HS6ST2: variants seen among roughly 807,000 people sequenced by gnomAD.
The protein encoded by HS6ST2 is heparan sulfate 6-O-sulfotransferase 2, also known as heparan-sulfate 6-O-sulfotransferase 2.
HS6ST2 carries 17 observed loss-of-function variants against 33.0 expected under a neutral mutation model. That is an observed-to-expected ratio of 0.52 (90% CI 0.35 to 0.77). HS6ST2 has a LOEUF of 0.77. Ranked by LOEUF, HS6ST2 falls within the 30% of genes least tolerant of loss-of-function variation. The pLI is 0.01. For missense variants in HS6ST2, 519 were observed against 551.7 expected (o/e 0.94, Z 0.59); for synonymous variants, 248 against 237.1 (o/e 1.05, Z -0.42).
intron 2 of HS6ST2, among the ~76,000 whole-genome samples, chrX:132,951,027 T>C (rs2067009718): frequency 9.0e-6 from 1 of 110,530 alleles, no homozygotes; most frequent in Non-Finnish European, 1.9e-5. Context: ...TGTCACCTCC[T>C]TATAAGTCCT....
At chrX:132,956,371 C>T (rs1331820026) in intron 2 of HS6ST2, among the ~76,000 whole-genome samples, 1 of 110,556 alleles carries the variant, frequency 9.0e-6, no homozygotes, top group East Asian at 2.9e-4. Context: ...GGGAAGAATG[C>T]GGGCGCCGAA....
chrX:132,772,903 AAATAT>A (rs780961296), intron 2 of HS6ST2, among the ~76,000 whole-genome samples: 8 of 84,999 alleles, frequency 9.4e-5, no homozygotes, highest in East Asian at 7.0e-4. Flanking sequence ...ATGTAATATA[AAATAT>A]AATATATTTT....
chrX:132,934,110 A>G (rs910209896), intron 2 of HS6ST2, among the ~76,000 whole-genome samples: 1 of 111,593 alleles, frequency 9.0e-6, no homozygotes. Flanking sequence ...GTATAAATGC[A>G]TATTTACTCC....
At chrX:132,808,259 C>T (rs2065304464) in intron 2 of HS6ST2, among the ~76,000 whole-genome samples, 1 of 112,237 alleles carries the variant, frequency 8.9e-6, no homozygotes, top group Non-Finnish European at 1.9e-5. Flanking sequence ...ATGTCACACT[C>T]CACACTTAAA....
intron 2 of HS6ST2, among the ~76,000 whole-genome samples, chrX:132,748,890 A>C (rs1287009567): frequency 2.7e-5 from 3 of 111,757 alleles, no homozygotes; most frequent in Admixed American, 9.4e-5. Context: ...AAGCCTCCCA[A>C]AGTGCTGGGG....
At chrX:132,864,046 T>C (rs2065941988) in intron 2 of HS6ST2, among the ~76,000 whole-genome samples, 1 of 110,740 alleles carries the variant, frequency 9.0e-6, no homozygotes, top group South Asian at 3.9e-4. Context: ...CAGAAAAGAA[T>C]AGCATCAACA....
chrX:132,642,320 A>G (rs1346469595), intron 4 of HS6ST2, among the ~76,000 whole-genome samples: 2 of 111,440 alleles, frequency 1.8e-5, no homozygotes, highest in African/African-American at 6.5e-5. Context: ...TTTCCAGAGC[A>G]GCACAGGGGA....
chrX:132,716,914 A>G (rs1355596731), intron 2 of HS6ST2, among the ~76,000 whole-genome samples: 1 of 112,360 alleles, frequency 8.9e-6, no homozygotes, highest in Non-Finnish European at 1.9e-5. Context: ...ACAGCTTCGC[A>G]AGGGGCTGCT....
intron 2 of HS6ST2, among the ~76,000 whole-genome samples, chrX:132,732,973 G>T (rs1201297164): frequency 8.9e-6 from 1 of 111,979 alleles, no homozygotes; most frequent in East Asian, 2.8e-4. Flanking sequence ...GCTATCCCTA[G>T]CAGTGATTTT....
chrX:132,835,489 T>C (rs1050803125), intron 2 of HS6ST2, among the ~76,000 whole-genome samples: 1 of 111,947 alleles, frequency 8.9e-6, no homozygotes, highest in Non-Finnish European at 1.9e-5. Context: ...ACTTCTCCTC[T>C]CAGTATCTTC....
At chrX:132,785,447 A>G (rs1163638667) in intron 2 of HS6ST2, among the ~76,000 whole-genome samples, 1 of 111,769 alleles carries the variant, frequency 8.9e-6, no homozygotes, top group Admixed American at 9.5e-5. Context: ...AATCCTGACA[A>G]CAGGTTTACT....
chrX:132,661,625 T>A (rs754910842), intron 4 of HS6ST2, among the ~76,000 whole-genome samples: 4 of 112,430 alleles, frequency 3.6e-5, no homozygotes, highest in Non-Finnish European at 7.5e-5. Context: ...AAATTTGATA[T>A]ACAGATTCAA....
chrX:132,721,745 C>A (rs991390677), intron 2 of HS6ST2, among the ~76,000 whole-genome samples: 2 of 111,724 alleles, frequency 1.8e-5, no homozygotes, highest in Non-Finnish European at 3.8e-5. Flanking sequence ...GGACTCAATG[C>A]ATTATTTATT....
At chrX:132,647,020 G>A (rs368892796) in intron 4 of HS6ST2, among the ~76,000 whole-genome samples, 5 of 111,404 alleles carry the variant, frequency 4.5e-5, no homozygotes, top group Non-Finnish European at 9.4e-5. Context: ...CTCCCACGAC[G>A]TATGGGGATT....
chrX:132,795,837 G>C (rs1056477156), intron 2 of HS6ST2, among the ~76,000 whole-genome samples: 1 of 111,472 alleles, frequency 9.0e-6, no homozygotes, highest in Non-Finnish European at 1.9e-5. Flanking sequence ...TCAAACTCCA[G>C]GGCTCAAGCA....
At chrX:132,764,178 C>T (rs1192671825) in intron 2 of HS6ST2, among the ~76,000 whole-genome samples, 1 of 111,836 alleles carries the variant, frequency 8.9e-6, no homozygotes, top group African/African-American at 3.3e-5. Context: ...ATATTTAGAG[C>T]TAAAAAGAAC....
chrX:132,846,863 C>G (rs1403027963), intron 2 of HS6ST2, among the ~76,000 whole-genome samples: 1 of 109,454 alleles, frequency 9.1e-6, no homozygotes, highest in Non-Finnish European at 1.9e-5. Context: ...TCTGGGAGTA[C>G]CAAAAATGTA....
At chrX:132,868,791 G>A (rs2148427321) in intron 2 of HS6ST2, among the ~76,000 whole-genome samples, 1 of 111,692 alleles carries the variant, frequency 9.0e-6, no homozygotes, top group South Asian at 3.8e-4. Context: ...GTGTTTAGAA[G>A]GAAATTTATA....
At chrX:132,631,573 A>T (rs2148596232) in intron 4 of HS6ST2, among the ~76,000 whole-genome samples, 1 of 109,346 alleles carries the variant, frequency 9.1e-6, no homozygotes, top group Admixed American at 9.7e-5. Context: ...GCCCTGAGGC[A>T]ACAGTTTAGT....
Sources: allele counts gnomAD v4.1 joint callset (sites outside exome capture counted in the v4.1 genomes callset), GRCh38; gene constraint gnomAD v4.1.1; transcripts MANE v1.5; gene names NCBI Gene and HGNC (gene_info 2026-07-23, HGNC 2026-07-21).